Variants in KYAT1 observed in about 807,000 individuals in gnomAD.
KYAT1 encodes kynurenine aminotransferase 1, also known as kynurenine--oxoglutarate transaminase 1.
Under a neutral mutation model 52.4 loss-of-function variants are expected in KYAT1, and 47 were observed. That is an observed-to-expected ratio of 0.90 (90% CI 0.71 to 1.14). The LOEUF is 1.14. KYAT1 is among the 50% of genes most tolerant of loss of function. The probability of loss-of-function intolerance (pLI) is 0.00; values close to 1 mark genes in which losing one functional copy is unlikely to be tolerated. For synonymous variants in KYAT1, 212 were observed against 209.6 expected (o/e 1.01, Z -0.10); for missense variants, 480 against 557.9 (o/e 0.86, Z 1.41).
chr9:128,843,695 T>C (rs765378564), intron 2 of KYAT1, among the ~76,000 whole-genome samples: 1 of 152,210 alleles, frequency 6.6e-6, no homozygotes, highest in African/African-American at 2.4e-5. Context: ...AAATCACCTT[T>C]GCATCATCAA....
chr9:128,851,471 T>G (rs1266861507), intron 1 of KYAT1, among the ~76,000 whole-genome samples: 1 of 152,058 alleles, frequency 6.6e-6, no homozygotes, highest in Non-Finnish European at 1.5e-5. Context: ...CTACAGAAAA[T>G]CTAATTACGC....
chr9:128,836,767 G>A (rs1431093647), intron 7 of KYAT1, 35 bp downstream of exon 7: 1 of 1,606,088 alleles, frequency 6.2e-7, no homozygotes, highest in Non-Finnish European at 8.5e-7. Context: ...TCCCACCAAT[G>A]TGCAGGGGAG....
At chr9:128,875,845 G>C (rs1340421247) in intron 1 of KYAT1, among the ~76,000 whole-genome samples, 1 of 152,154 alleles carries the variant, frequency 6.6e-6, no homozygotes, top group Non-Finnish European at 1.5e-5. Flanking sequence ...ACCTCTATCA[G>C]CCTGGGCAGC....
At chr9:128,848,980 T>C (rs1833529206) in intron 1 of KYAT1, among the ~76,000 whole-genome samples, 1 of 151,576 alleles carries the variant, frequency 6.6e-6, no homozygotes, top group South Asian at 2.1e-4. Context: ...CTGGGTGTGG[T>C]GGCACATGAC....
At chr9:128,875,815 T>A (rs1349425602) in intron 1 of KYAT1, among the ~76,000 whole-genome samples, 1 of 152,208 alleles carries the variant, frequency 6.6e-6, no homozygotes, top group African/African-American at 2.4e-5. Flanking sequence ...GCCAGTGGCC[T>A]GTGCCCCCCT....
chr9:128,838,482 A>G (rs1179105586), intron 3 of KYAT1, 115 bp from the exon 4 acceptor site: 3 of 1,215,222 alleles, frequency 2.5e-6, no homozygotes, highest in Admixed American at 4.1e-5. Flanking sequence ...AAAGTCAGGT[A>G]CTGGTAGCCT....
intron 6 of KYAT1, 29 bp from the exon 7 acceptor site, chr9:128,836,951 T>G (rs1010104984): frequency 6.2e-7 from 1 of 1,603,268 alleles, no homozygotes; most frequent in Non-Finnish European, 8.5e-7. Flanking sequence ...AGCACAGACC[T>G]GCAGCTGGGA....
rs532031709 is a variant in KYAT1, at chr9:128,864,624, T to G, written c.-7+17273A>C. Reference sequence around the variant, plus strand: ...TTTTATTATTTATTTACTTATTTTTTGGGGGACAAAGTCGTGCTCTGTCGC... The same window carrying G: ...TTTTATTATTTATTTACTTATTTTTGGGGGGACAAAGTCGTGCTCTGTCGC... On this transcript the variant is annotated intron_variant, in intron 1 of 12. Coordinates refer to ENST00000302586, the MANE Select transcript of KYAT1 (RefSeq NM_004059.5). Among the ~76,000 whole-genome samples the G allele has an allele frequency of 2.3e-4, 35 of 152,108 alleles. 1 individual carries two copies. Among genetic ancestry groups the G allele is most frequent in the Non-Finnish European group, 2.9e-4 (20 of 67,986 alleles).
At chr9:128,841,041 G>A (rs764037929) in intron 3 of KYAT1, among the ~76,000 whole-genome samples, 5 of 152,196 alleles carry the variant, frequency 3.3e-5, no homozygotes, top group Non-Finnish European at 7.3e-5. Context: ...ATAAATTATG[G>A]CACATCCAGG....
chr9:128,840,571 A>AAAAAAAAG (rs1684260108), intron 3 of KYAT1: 1 of 423,024 alleles, frequency 2.4e-6, no homozygotes, highest in African/African-American at 2.1e-5. Flanking sequence ...GTTAAAAGAA[A>AAAAAAAAG]AAAAAAAGAA....
At chr9:128,855,065 C>A (rs1385400381) in intron 1 of KYAT1, among the ~76,000 whole-genome samples, 2 of 152,112 alleles carry the variant, frequency 1.3e-5, no homozygotes, top group African/African-American at 2.4e-5. Flanking sequence ...CCTAAGGGGA[C>A]CTTGCCTCAA....
At chr9:128,848,978 G>C (rs1833528740) in intron 1 of KYAT1, among the ~76,000 whole-genome samples, 3 of 151,924 alleles carry the variant, frequency 2.0e-5, no homozygotes, top group Admixed American at 1.3e-4. Context: ...AGCTGGGTGT[G>C]GTGGCACATG....
chr9:128,838,508 T>C (rs953971408), intron 3 of KYAT1, 141 bp from the exon 4 acceptor site: 1 of 849,050 alleles, frequency 1.2e-6, no homozygotes, highest in Non-Finnish European at 1.9e-6. Context: ...CCAGGGGACG[T>C]GGAATAGATC....
rs533461609 is a variant in KYAT1, at chr9:128,835,420, C to G, written c.1043-18G>C. ...CTTCCTCTCTGGGAGACAGAGGCCACACTGAGCCCCCTGCAGCCTCCAGCC... is the reference window on the plus strand; with the variant it reads ...CTTCCTCTCTGGGAGACAGAGGCCAGACTGAGCCCCCTGCAGCCTCCAGCC... On this transcript the variant is annotated intron_variant, in intron 10 of 12. Coordinates refer to ENST00000302586, the MANE Select transcript of KYAT1 (RefSeq NM_004059.5). 1 of 1,613,942 alleles carries G rather than the reference C, an allele frequency of 6.2e-7. No homozygotes were observed. The highest frequency in any genetic ancestry group is 1.3e-5 in the African/African-American group (1 of 75,062).
chr9:128,869,876 C>G (rs1836987443), intron 1 of KYAT1, among the ~76,000 whole-genome samples: 1 of 151,958 alleles, frequency 6.6e-6, no homozygotes, highest in Admixed American at 6.6e-5. Flanking sequence ...GCCTCAGCCT[C>G]CCGAGTAGCT....
chr9:128,837,004 A>T, intron 6 of KYAT1, 82 bp from the exon 7 acceptor site: 1 of 1,532,926 alleles, frequency 6.5e-7, no homozygotes, highest in East Asian at 2.3e-5. Context: ...GTTAAAGAAC[A>T]CAGCTGCGGC....
chr9:128,847,852 C>T (rs765848410), intron 1 of KYAT1, among the ~76,000 whole-genome samples: 40 of 152,176 alleles, frequency 2.6e-4, no homozygotes, highest in African/African-American at 6.3e-4. Context: ...GAGAGGATCA[C>T]TGATAGCCCT....
At chr9:128,842,154 T>C (rs776797642) in intron 3 of KYAT1, 3 of 322,064 alleles carry the variant, frequency 9.3e-6, no homozygotes, top group South Asian at 4.9e-5. Context: ...GATCGCACCA[T>C]TGCACTCCAG....
intron 3 of KYAT1, 26 bp downstream of exon 3, chr9:128,842,628 C>T: frequency 6.2e-7 from 1 of 1,605,364 alleles, no homozygotes; most frequent in East Asian, 2.2e-5. Context: ...TCCCCCAGTG[C>T]CTCCACGAGA....
Sources: gnomAD v4.1 joint callset for allele counts (sites outside exome capture counted in the v4.1 genomes callset) on GRCh38, gnomAD v4.1.1 for gene constraint, MANE v1.5 for transcripts, NCBI Gene and HGNC (gene_info 2026-07-23, HGNC 2026-07-21) for gene names.